The following NCS1 variants were observed in gnomAD, a reference collection of about 807,000 sequenced individuals.
The protein encoded by NCS1 is neuronal calcium sensor 1.
In NCS1, 6 loss-of-function variants were observed where a neutral mutation model predicts 28.4. That is an observed-to-expected ratio of 0.21 (90% confidence interval 0.12 to 0.42). The LOEUF is 0.42. NCS1 is among the 10% of genes least tolerant of loss of function. The pLI is 1.00. For missense variants in NCS1, 131 were observed against 241.4 expected (o/e 0.54, Z 3.03); for synonymous variants, 86 against 99.3 (o/e 0.87, Z 0.79).
intron 2 of NCS1, 116 bp downstream of exon 2, chr9:130,201,098 CT>C: frequency 7.2e-7 from 1 of 1,380,904 alleles, no homozygotes; most frequent in South Asian, 1.2e-5. Context: ...GGAGGGGCCC[CT>C]GAGCGTGGGG....
At position 130,215,471 on chromosome 9, in the gene NCS1, G is replaced by C. The variant is rs374183679; in HGVS notation, c.90-2361G>C. Reference sequence around the variant, plus strand: ...ACCCTGAGAGTCCTGCCAGGCTGCAGGGATTCTGGGTGGGCCTGCGGACAT... The same window carrying C: ...ACCCTGAGAGTCCTGCCAGGCTGCACGGATTCTGGGTGGGCCTGCGGACAT... On this transcript the variant is annotated intron_variant, in intron 2 of 7. Transcript: ENST00000372398. The surrounding 1 kb of genome is among the most constrained non-coding windows in gnomAD (Gnocchi z 4.2). Among the ~76,000 whole-genome samples, 36 of 152,314 alleles carry C rather than the reference G, an allele frequency of 2.4e-4. No individual in the cohort carries two copies. Among genetic ancestry groups the C allele is most frequent in the African/African-American group, 8.2e-4 (34 of 41,570 alleles).
intron 5 of NCS1, 151 bp downstream of exon 5, chr9:130,222,889 C>A: frequency 2.2e-6 from 2 of 924,118 alleles, no homozygotes; most frequent in Non-Finnish European, 1.7e-6. Flanking sequence ...TCTGCCTGGG[C>A]AGGCAGGCAC....
intron 1 of NCS1, among the ~76,000 whole-genome samples, chr9:130,190,710 C>T (rs1588112118): frequency 6.6e-6 from 1 of 152,308 alleles, no homozygotes; most frequent in Non-Finnish European, 1.5e-5. Flanking sequence ...GATGATATCT[C>T]CCAGCTAAAG....
At chr9:130,179,405 T>TGGAC (rs1186293524) in intron 1 of NCS1, among the ~76,000 whole-genome samples, 10 of 152,230 alleles carry the variant, frequency 6.6e-5, no homozygotes, top group African/African-American at 2.4e-4. Context: ...CTCCTGTCAT[T>TGGAC]GGACAGTTAG....
intron 1 of NCS1, among the ~76,000 whole-genome samples, chr9:130,178,840 C>G (rs1460716180): frequency 9.2e-4 from 2 of 2,176 alleles, no homozygotes; most frequent in Non-Finnish European, 1.5e-3. Context: ...GGTTTCCCTC[C>G]CCTCCCCTCC....
At chr9:130,228,065 A>G (rs1554911644) in intron 7 of NCS1, among the ~76,000 whole-genome samples, 2 of 152,246 alleles carry the variant, frequency 1.3e-5, no homozygotes, top group Admixed American at 1.3e-4. Flanking sequence ...CTGCCTCACA[A>G]TATGGCTGCC....
At chr9:130,213,485 C>T (rs1255945165) in intron 2 of NCS1, among the ~76,000 whole-genome samples, 1 of 151,848 alleles carries the variant, frequency 6.6e-6, no homozygotes, top group Non-Finnish European at 1.5e-5. Flanking sequence ...TTCACCGTGT[C>T]AGCCAGGATG....
chr9:130,191,262 C>T lies in NCS1; in HGVS notation c.65-9696C>T, dbSNP rs1395050161. On this transcript the variant is annotated intron_variant, in intron 1 of 7. Coordinates refer to ENST00000372398, the MANE Select transcript of NCS1 (RefSeq NM_014286.4). This position sits in a 1 kb window ranked among gnomAD's most constrained non-coding sequence, Gnocchi z 6.4. Reference sequence around the variant, plus strand: ...CCGAGAGCCTGGCTTTAGAGGGCCTCGGGCAGGAGAGCCAGGCCTGGGTGC... The same window carrying T: ...CCGAGAGCCTGGCTTTAGAGGGCCTTGGGCAGGAGAGCCAGGCCTGGGTGC... Among the ~76,000 whole-genome samples the T allele has an allele frequency of 3.3e-5, 5 of 152,096 alleles. No homozygotes were observed. The highest frequency in any genetic ancestry group is 7.2e-5 in the African/African-American group (3 of 41,424).
chr9:130,208,874 C>G (rs1222281058), intron 2 of NCS1, among the ~76,000 whole-genome samples: 1 of 151,758 alleles, frequency 6.6e-6, no homozygotes, highest in African/African-American at 2.4e-5. Flanking sequence ...GGTCACACAG[C>G]TCTGTGTGTG....
At position 130,175,406 on chromosome 9, in the gene NCS1, A is replaced by G. The variant is rs1423748789; in HGVS notation, c.64+2679A>G. Among the ~76,000 whole-genome samples, 1 of 152,274 alleles carries G rather than the reference A, an allele frequency of 6.6e-6. No individual in the cohort carries two copies. The highest frequency in any genetic ancestry group is 6.5e-5 in the Admixed American group (1 of 15,292). On this transcript the variant is annotated intron_variant, in intron 1 of 7. Transcript: ENST00000372398. The surrounding 1 kb of genome is among the most constrained non-coding windows in gnomAD (Gnocchi z 4.9). ...AGAATCTCCTGGTTGATTAATAAACATGAAGGTACCTGGGCTGCCCTCCCG... is the reference window on the plus strand; with the variant it reads ...AGAATCTCCTGGTTGATTAATAAACGTGAAGGTACCTGGGCTGCCCTCCCG...
rs1237691302 is a variant in NCS1, at chr9:130,177,211, A to G, written c.64+4484A>G. Among the ~76,000 whole-genome samples the G allele has an allele frequency of 2.6e-5, 4 of 152,216 alleles. No individual in the cohort carries two copies. Among genetic ancestry groups the G allele is most frequent in the South Asian group, 4.1e-4 (2 of 4,836 alleles). ...GGGTCCCTGGCTCCAGGTTGGGGTC[A>G]GCAGTTGGGTTCTTGGGTGTCTCTG... On this transcript the variant is annotated intron_variant, in intron 1 of 7. Transcript: ENST00000372398. The surrounding 1 kb of genome is among the most constrained non-coding windows in gnomAD (Gnocchi z 4.4).
intron 1 of NCS1, among the ~76,000 whole-genome samples, chr9:130,189,043 T>C (rs1204435567): frequency 1.3e-5 from 2 of 152,180 alleles, no homozygotes; most frequent in Non-Finnish European, 2.9e-5. Flanking sequence ...TTATGACAGA[T>C]AGACAGCTGT....
intron 1 of NCS1, among the ~76,000 whole-genome samples, chr9:130,178,768 C>T (rs10988632): frequency 0.18 from 26,428 of 146,726 alleles, 3,036 homozygotes; most frequent in East Asian, 0.6. Flanking sequence ...ACTGGAGTAT[C>T]GGTGGGGATG....
intron 2 of NCS1, among the ~76,000 whole-genome samples, chr9:130,211,999 G>A (rs1554908840): frequency 2.6e-5 from 4 of 152,128 alleles, no homozygotes. Context: ...GGTGAGTGGA[G>A]TCAGGCAGGT....
chr9:130,219,618 G>A lies in NCS1; in HGVS notation c.229-107G>A. On this transcript the variant is annotated intron_variant, in intron 3 of 7. Transcript: ENST00000372398. This position sits in a 1 kb window ranked among gnomAD's most constrained non-coding sequence, Gnocchi z 5.7. ...GCCCTCTCCACCTGAGTGTCCATTGGCCACAGTGTCTGGAGCCTGCGACTG... is the reference window on the plus strand; with the variant it reads ...GCCCTCTCCACCTGAGTGTCCATTGACCACAGTGTCTGGAGCCTGCGACTG... 1 of 1,007,212 alleles carries A rather than the reference G, an allele frequency of 9.9e-7. No individual in the cohort carries two copies. The highest frequency in any genetic ancestry group is 1.5e-6 in the Non-Finnish European group (1 of 649,528). 62.4% of individuals were successfully genotyped at this position (1,007,212 alleles called of 1,614,324 possible).
intron 6 of NCS1, among the ~76,000 whole-genome samples, chr9:130,224,656 G>A (rs1413079370): frequency 2.0e-5 from 3 of 151,826 alleles, no homozygotes; most frequent in Non-Finnish European, 4.4e-5. Flanking sequence ...CTATTATCAG[G>A]TACTATGCTT....
At chr9:130,188,111 T>C (rs1204404691) in intron 1 of NCS1, among the ~76,000 whole-genome samples, 1 of 152,252 alleles carries the variant, frequency 6.6e-6, no homozygotes, top group Non-Finnish European at 1.5e-5. Flanking sequence ...CTTTGGGTGC[T>C]GTGACACCTA....
rs113678505 is a variant in NCS1 at position 130,217,133 on chromosome 9, C to T, written c.90-699C>T. On this transcript the variant is annotated intron_variant, in intron 2 of 7. Transcript: ENST00000372398. ...AAACTGAGGCTCAGACAGGTGAGGGCGTTTGCTTGAGGCTGTACAGGCAGT... is the reference window on the plus strand; with the variant it reads ...AAACTGAGGCTCAGACAGGTGAGGGTGTTTGCTTGAGGCTGTACAGGCAGT... 5.9e-5 allele frequency among the ~76,000 whole-genome samples: 9 copies of T among 152,288 alleles called. No individual in the cohort carries two copies. In the East Asian group the frequency reaches 1.2e-3, roughly 20 times the overall value.
At position 130,235,128 on chromosome 9, in the gene NCS1, T is replaced by TCCCCCCCCCCCC; in HGVS notation, c.*2161_*2162insCCCCCCCCCCCC. ...ACGCTGGCCCCACGGTAACCCCCCCTCCCCCACCAACATCCTGCAGGGATG... is the reference window on the plus strand; with the variant it reads ...ACGCTGGCCCCACGGTAACCCCCCCTCCCCCCCCCCCCCCCCCACCAACATCCTGCAGGGATG... On this transcript the variant is annotated 3_prime_UTR_variant, in exon 8 of 8. Transcript: ENST00000372398. The TCCCCCCCCCCCC allele has an allele frequency of 6.9e-6, 1 of 144,102 alleles. No homozygotes were observed. Among genetic ancestry groups the TCCCCCCCCCCCC allele is most frequent in the African/African-American group, 2.6e-5 (1 of 38,572 alleles). 8.9% of individuals were successfully genotyped at this position (144,102 alleles called of 1,614,324 possible).
Sources: allele counts gnomAD v4.1 joint callset (sites outside exome capture counted in the v4.1 genomes callset), GRCh38; gene constraint gnomAD v4.1.1; non-coding constraint Gnocchi (gnomAD v3.1); transcripts MANE v1.5; gene names NCBI Gene and HGNC (gene_info 2026-07-23, HGNC 2026-07-21).